Variants in TEX2 observed in about 807,000 individuals in gnomAD.
TEX2 encodes the protein testis expressed 2.
TEX2 carries 53 observed loss-of-function variants against 106.9 expected under a neutral mutation model. That is an observed-to-expected ratio of 0.50 (90% CI 0.40 to 0.62). TEX2 has a LOEUF of 0.62. Ranked by LOEUF, TEX2 falls within the 20% of genes least tolerant of loss-of-function variation. The probability of loss-of-function intolerance (pLI) is 0.00; values close to 1 mark genes in which losing one functional copy is unlikely to be tolerated. For missense variants in TEX2, 1,207 were observed against 1,379.0 expected (o/e 0.88, Z 1.98); for synonymous variants, 523 against 534.8 (o/e 0.98, Z 0.30).
chr17:64,191,750 G>A (rs1360393988), intron 4 of TEX2, among the ~76,000 whole-genome samples: 2 of 149,694 alleles, frequency 1.3e-5, no homozygotes, highest in Non-Finnish European at 1.5e-5. Flanking sequence ...CCTGGGAGGC[G>A]GAGGTTGCAG....
intron 4 of TEX2, among the ~76,000 whole-genome samples, chr17:64,189,931 G>A (rs1770265591): frequency 6.6e-6 from 1 of 151,042 alleles, no homozygotes; most frequent in Non-Finnish European, 1.5e-5. Flanking sequence ...GTTGCAGTGA[G>A]CCAAGATCAT....
intron 2 of TEX2, among the ~76,000 whole-genome samples, chr17:64,202,946 A>G (rs1194470841): frequency 1.3e-5 from 2 of 152,250 alleles, no homozygotes; most frequent in Admixed American, 6.5e-5. Flanking sequence ...GTAAAAGGTC[A>G]GGGGTTTCTC....
rs781966754 is a variant in TEX2, at chr17:64,214,161, T to C, written c.57A>G (p.Ser19=). ...ACCTCTGCACGTGCACTTTAGGGGC[T>C]GATGGTTTTGGCATGTCAGTGGTTT... ...AEKTTDMPKP[S]APKVHVQRSV... The change falls in exon 2 of 12, where the codon TCA becomes TCG. Residue 19 remains serine (S), a synonymous_variant. Coordinates refer to ENST00000584379, the MANE Select transcript of TEX2 (RefSeq NM_001288732.2). 1 of 1,614,180 alleles carries C rather than the reference T, an allele frequency of 6.2e-7. No homozygotes were observed. The highest frequency in any genetic ancestry group is 8.5e-7 in the Non-Finnish European group (1 of 1,180,016).
chr17:64,240,032 C>T (rs1267289328), intron 1 of TEX2, among the ~76,000 whole-genome samples: 9 of 151,568 alleles, frequency 5.9e-5, no homozygotes, highest in Non-Finnish European at 1.2e-4. Flanking sequence ...CAAGTCCTTA[C>T]AGATGGTAAG....
intron 2 of TEX2, among the ~76,000 whole-genome samples, chr17:64,203,366 A>G (rs2032730440): frequency 6.6e-6 from 1 of 152,244 alleles, no homozygotes; most frequent in Non-Finnish European, 1.5e-5. Context: ...AATCCTACAC[A>G]AGAATAGAGC....
chr17:64,182,742 C>A (rs967510670), intron 5 of TEX2, among the ~76,000 whole-genome samples: 16 of 152,148 alleles, frequency 1.1e-4, no homozygotes, highest in Non-Finnish European at 2.1e-4. Context: ...TTGTGACTGA[C>A]TCCCCTCACT....
intron 5 of TEX2, among the ~76,000 whole-genome samples, chr17:64,184,708 T>C (rs982176560): frequency 2.6e-5 from 4 of 152,226 alleles, no homozygotes; most frequent in African/African-American, 7.2e-5. Context: ...GAGAGTTTTA[T>C]GGTTTTAGCT....
At chr17:64,219,059 T>C (rs1477829787) in intron 1 of TEX2, among the ~76,000 whole-genome samples, 2 of 152,020 alleles carry the variant, frequency 1.3e-5, no homozygotes, top group Non-Finnish European at 1.5e-5. Context: ...ATACAATGAA[T>C]GGTAAGCACA....
intron 1 of TEX2, among the ~76,000 whole-genome samples, chr17:64,260,477 CA>C (rs1567974607): frequency 6.8e-6 from 1 of 146,106 alleles, no homozygotes; most frequent in Admixed American, 6.9e-5. Context: ...GCCCAAAAAG[CA>C]CGTTTTTTGA....
intron 1 of TEX2, among the ~76,000 whole-genome samples, chr17:64,235,571 C>A (rs568931583): frequency 6.6e-6 from 1 of 152,272 alleles, no homozygotes; most frequent in South Asian, 2.1e-4. Flanking sequence ...GGCTATAAAG[C>A]GCTTTTGTCT....
rs114158943 is a variant in TEX2 at position 64,254,733 on chromosome 17, T to C, written c.-26+8435A>G. Among the ~76,000 whole-genome samples the C allele has an allele frequency of 5.4e-3, 817 of 152,362 alleles. 11 individuals are homozygous for C. The highest frequency in any genetic ancestry group is 0.018 in the African/African-American group (747 of 41,588). On this transcript the variant is annotated intron_variant, in intron 1 of 11. Transcript: ENST00000584379. ...AAAGTAACATATGCCACTAAAATAC[T>C]GCTTCTTAATCAGTTTCACAGTTTG...
intron 1 of TEX2, among the ~76,000 whole-genome samples, chr17:64,248,617 G>A (rs1402508860): frequency 6.6e-6 from 1 of 152,226 alleles, no homozygotes; most frequent in East Asian, 1.9e-4. Context: ...AATCATCCCA[G>A]TGATTAGACG....
At chr17:64,178,108 A>G (rs912687593) in intron 5 of TEX2, among the ~76,000 whole-genome samples, 7 of 152,230 alleles carry the variant, frequency 4.6e-5, no homozygotes, top group African/African-American at 1.7e-4. Context: ...TCCATGAAAC[A>G]TCTACAGCTG....
chr17:64,243,663 G>A (rs1438223515), intron 1 of TEX2, among the ~76,000 whole-genome samples: 4 of 152,124 alleles, frequency 2.6e-5, no homozygotes, highest in Non-Finnish European at 5.9e-5. Flanking sequence ...TCAAAACTTT[G>A]CATCTTATTT....
chr17:64,226,716 T>C (rs1402068085), intron 1 of TEX2, among the ~76,000 whole-genome samples: 2 of 152,166 alleles, frequency 1.3e-5, no homozygotes, highest in African/African-American at 4.8e-5. Flanking sequence ...GATTAAAACA[T>C]GTATGATGCT....
rs182531323 is a variant in TEX2 at position 64,238,167 on chromosome 17, G to T, written c.-25-23925C>A. Among the ~76,000 whole-genome samples the T allele has an allele frequency of 4.0e-3, 610 of 152,228 alleles. 4 individuals carry two copies. Among genetic ancestry groups the T allele is most frequent in the African/African-American group, 0.014 (591 of 41,528 alleles). Reference sequence around the variant, plus strand: ...ACACAAAAATTAGCTGGGCATGGTGGTGGGCGCCTATAATCCCAGCTACTC... The same window carrying T: ...ACACAAAAATTAGCTGGGCATGGTGTTGGGCGCCTATAATCCCAGCTACTC... On this transcript the variant is annotated intron_variant, in intron 1 of 11. Coordinates refer to ENST00000584379, the MANE Select transcript of TEX2 (RefSeq NM_001288732.2).
intron 7 of TEX2, among the ~76,000 whole-genome samples, chr17:64,163,544 T>C (rs1317191837): frequency 6.6e-6 from 1 of 152,182 alleles, no homozygotes; most frequent in Non-Finnish European, 1.5e-5. Flanking sequence ...GTAAGAAGAC[T>C]ATTTTAGCAT....
chr17:64,261,473 CT>C (rs1218412291), intron 1 of TEX2, among the ~76,000 whole-genome samples: 39 of 152,256 alleles, frequency 2.6e-4, no homozygotes, highest in Non-Finnish European at 4.6e-4. Flanking sequence ...GATGACATAA[CT>C]TGCTCTTCAG....
At chr17:64,187,562 T>A (rs2032122717) in intron 5 of TEX2, among the ~76,000 whole-genome samples, 1 of 152,132 alleles carries the variant, frequency 6.6e-6, no homozygotes, top group Non-Finnish European at 1.5e-5. Context: ...CAAGAGCCAC[T>A]TATCTTTTTA....
Sources: allele counts gnomAD v4.1 joint callset (sites outside exome capture counted in the v4.1 genomes callset), GRCh38; gene constraint gnomAD v4.1.1; transcripts MANE v1.5; gene names NCBI Gene and HGNC (gene_info 2026-07-23, HGNC 2026-07-21).